Variants in PCDHA10 observed in about 807,000 individuals in gnomAD.
PCDHA10 encodes protocadherin alpha 10.
PCDHA10 carries 45 observed loss-of-function variants against 61.2 expected under a neutral mutation model. The observed-to-expected ratio is 0.74, with a 90% CI of 0.58 to 0.94. PCDHA10 has a LOEUF of 0.94. Ranked by LOEUF, PCDHA10 falls within the 40% of genes least tolerant of loss-of-function variation. PCDHA10 has a pLI of 0.00. For synonymous variants in PCDHA10, 602 were observed against 548.8 expected (o/e 1.10, Z -1.35); for missense variants, 1,278 against 1,236.2 (o/e 1.03, Z -0.51).
chr5:140,881,398 A>G, intron 1 of PCDHA10: 1 of 975,546 alleles, frequency 1.0e-6, no homozygotes, highest in Non-Finnish European at 1.2e-6. Context: ...GTTAAATTCT[A>G]TTAAATCAAT....
intron 1 of PCDHA10, among the ~76,000 whole-genome samples, chr5:140,936,344 T>C (rs1403940424): frequency 6.6e-6 from 1 of 152,224 alleles, no homozygotes; most frequent in Non-Finnish European, 1.5e-5. Context: ...TATCTGCATA[T>C]ATGGAATGTG....
intron 1 of PCDHA10, among the ~76,000 whole-genome samples, chr5:140,914,439 T>G (rs1352001626): frequency 6.6e-6 from 1 of 152,192 alleles, no homozygotes; most frequent in Admixed American, 6.6e-5. Flanking sequence ...TCTTTTCCCA[T>G]GTCTTTATTT....
At chr5:140,863,799 G>C (rs1246230954) in intron 1 of PCDHA10, 1 of 212,342 alleles carries the variant, frequency 4.7e-6, no homozygotes, top group Non-Finnish European at 9.6e-6. Context: ...AGGAGTTTGA[G>C]ACCAGCCTGG....
At chr5:140,989,317 C>G (rs184467267) in intron 3 of PCDHA10, among the ~76,000 whole-genome samples, 2 of 152,126 alleles carry the variant, frequency 1.3e-5, no homozygotes, top group Non-Finnish European at 2.9e-5. Context: ...TAGGGTCTCA[C>G]CAACTTTGCC....
At chr5:140,877,240 G>A (rs1481558429) in intron 1 of PCDHA10, 2 of 1,613,736 alleles carry the variant, frequency 1.2e-6, no homozygotes, top group Non-Finnish European at 1.7e-6. Context: ...TGCGGGCCAC[G>A]TGGTGGCGAA....
At chr5:140,895,671 T>C (rs1014778982) in intron 1 of PCDHA10, among the ~76,000 whole-genome samples, 5 of 152,184 alleles carry the variant, frequency 3.3e-5, no homozygotes, top group African/African-American at 4.8e-5. Context: ...GAACATGTAG[T>C]ATTTGGTTTT....
chr5:140,950,237 A>C (rs1192417956), intron 1 of PCDHA10, among the ~76,000 whole-genome samples: 1 of 151,954 alleles, frequency 6.6e-6, no homozygotes, highest in African/African-American at 2.4e-5. Context: ...AGTGCCATTA[A>C]TTTGTTCCTA....
At chr5:140,888,128 T>C (rs1365856723) in intron 1 of PCDHA10, among the ~76,000 whole-genome samples, 1 of 152,248 alleles carries the variant, frequency 6.6e-6, no homozygotes, top group Non-Finnish European at 1.5e-5. Flanking sequence ...TCTATGGATA[T>C]ATTTTCTTGC....
intron 1 of PCDHA10, chr5:140,927,923 C>G: frequency 1.2e-6 from 2 of 1,614,232 alleles, no homozygotes; most frequent in Non-Finnish European, 1.7e-6. Context: ...GACTTCCTGA[C>G]TCTTTCGAAC....
In PCDHA10 at chr5:141,010,089, G is replaced by A. The variant is rs1588251277; in HGVS notation, c.*152G>A. 3.7e-6 allele frequency: 6 copies of A among 1,612,294 alleles called. No individual in the cohort carries two copies. The highest frequency in any genetic ancestry group is 5.1e-6 in the Non-Finnish European group (6 of 1,179,138). ...AAAGTTCCCTGTGTCTGTCTAGAAC[G>A]CATTTAACAGGTTTTGTCGTAAAAG... On this transcript the variant is annotated 3_prime_UTR_variant, in exon 4 of 4. Transcript: ENST00000307360.
intron 3 of PCDHA10, among the ~76,000 whole-genome samples, chr5:140,985,509 T>C (rs6886977): frequency 1.5e-3 from 223 of 152,280 alleles, no homozygotes; most frequent in African/African-American, 4.4e-3. Context: ...CTTTCATTGA[T>C]TCTGTTGCCC....
chr5:140,961,694 G>A (rs1554225551), intron 1 of PCDHA10, among the ~76,000 whole-genome samples: 2 of 152,152 alleles, frequency 1.3e-5, no homozygotes, highest in Non-Finnish European at 2.9e-5. Flanking sequence ...GTAGTCCTTA[G>A]TATGAATGCC....
intron 1 of PCDHA10, chr5:140,966,848 C>T (rs573027963): frequency 1.3e-6 from 2 of 1,571,846 alleles, no homozygotes; most frequent in East Asian, 2.3e-5. Flanking sequence ...GCTACTGCCT[C>T]TCCTGCTGCT....
At chr5:140,927,417 G>A (rs74597681) in intron 1 of PCDHA10, 37,118 of 1,614,096 alleles carry the variant, frequency 0.023, 560 homozygotes, top group African/African-American at 0.056. Flanking sequence ...ACATGGGATC[G>A]CGGGTTGACG....
intron 1 of PCDHA10, chr5:140,870,979 T>C: frequency 6.2e-7 from 1 of 1,613,556 alleles, no homozygotes; most frequent in Non-Finnish European, 8.5e-7. Flanking sequence ...CGTGGGGCTG[T>C]ACACGGGCGA....
intron 1 of PCDHA10, among the ~76,000 whole-genome samples, chr5:140,938,314 T>C (rs1026606524): frequency 2.0e-5 from 3 of 152,220 alleles, no homozygotes; most frequent in Non-Finnish European, 2.9e-5. Flanking sequence ...AGTATAAAAT[T>C]GAATAGAAGT....
At chr5:140,913,414 C>T (rs1451385869) in intron 1 of PCDHA10, among the ~76,000 whole-genome samples, 3 of 152,102 alleles carry the variant, frequency 2.0e-5, no homozygotes, top group African/African-American at 7.2e-5. Context: ...TGAATTCCTG[C>T]AGTATCAGTT....
chr5:140,857,163 G>A lies in PCDHA10; in HGVS notation c.1115G>A (p.Ser372Asn). Residue 372 changes from serine (S) to asparagine (N), a missense_variant, in exon 1 of 4, where the codon AGC becomes AAC. Transcript: ENST00000307360. ...GTGGGCACCGTCATTGCCCTAATCAGCGTTTCTGACCATGATTCAGGAGCC... is the reference window on the plus strand; with the variant it reads ...GTGGGCACCGTCATTGCCCTAATCAACGTTTCTGACCATGATTCAGGAGCC... ...AQVGTVIALISVSDHDSGANG... is the reference protein window; with the variant it reads ...AQVGTVIALINVSDHDSGANG... The A allele has an allele frequency of 1.3e-6, 2 of 1,598,406 alleles. No individual in the cohort carries two copies. The highest frequency in any genetic ancestry group is 1.7e-6 in the Non-Finnish European group (2 of 1,167,830).
At chr5:140,946,894 T>C (rs1368559322) in intron 1 of PCDHA10, among the ~76,000 whole-genome samples, 1 of 151,402 alleles carries the variant, frequency 6.6e-6, no homozygotes, top group Non-Finnish European at 1.5e-5. Context: ...TACAATTAGA[T>C]AGGAAGAATA....
Sources: gnomAD v4.1 joint callset for allele counts (sites outside exome capture counted in the v4.1 genomes callset) on GRCh38, gnomAD v4.1.1 for gene constraint, MANE v1.5 for transcripts, NCBI Gene and HGNC (gene_info 2026-07-23, HGNC 2026-07-21) for gene names.